The following MECOM variants were observed in gnomAD, a reference collection of about 807,000 sequenced individuals.
The protein encoded by MECOM is MDS1 and EVI1 complex locus, also known as histone-lysine N-methyltransferase MECOM.
MECOM carries 13 observed loss-of-function variants against 116.3 expected under a neutral mutation model. That is an observed-to-expected ratio of 0.11 (90% confidence interval 0.07 to 0.18). The LOEUF is 0.18. Among genes scored for constraint, MECOM ranks in the 10% least tolerant of loss-of-function variants. MECOM has a pLI of 1.00. For synonymous variants in MECOM, 528 were observed against 535.2 expected, an observed-to-expected ratio of 0.99 and a Z score of 0.19; for missense variants, 1,299 against 1,509.0, an observed-to-expected ratio of 0.86 and a Z score of 2.31.
intron 1 of MECOM, among the ~76,000 whole-genome samples, chr3:169,636,104 C>G (rs1035996619): frequency 1.3e-5 from 2 of 152,132 alleles, no homozygotes; most frequent in African/African-American, 2.4e-5. Context: ...ATCATAGATA[C>G]CAATGTGAAA....
At chr3:169,189,469 A>G (rs998147747) in intron 2 of MECOM, among the ~76,000 whole-genome samples, 3 of 152,048 alleles carry the variant, frequency 2.0e-5, no homozygotes, top group East Asian at 1.9e-4. Context: ...TGATGTATCA[A>G]TGAGCCCTGC....
intron 1 of MECOM, among the ~76,000 whole-genome samples, chr3:169,596,029 A>G (rs974043461): frequency 1.3e-5 from 2 of 152,248 alleles, no homozygotes; most frequent in Non-Finnish European, 2.9e-5. Context: ...ATGAATCGAT[A>G]AACTAGCTAA....
chr3:169,582,855 T>A (rs1216219872), intron 1 of MECOM, among the ~76,000 whole-genome samples: 1 of 152,240 alleles, frequency 6.6e-6, no homozygotes, highest in African/African-American at 2.4e-5. Flanking sequence ...ACACTTAGGG[T>A]TTTCTTTATG....
intron 1 of MECOM, among the ~76,000 whole-genome samples, chr3:169,616,779 T>C (rs1335483696): frequency 1.3e-5 from 2 of 152,226 alleles, no homozygotes; most frequent in South Asian, 2.1e-4. Context: ...TTAATCTTTC[T>C]AGATAGACTG....
Position 169,084,787 on chromosome 3 carries a change from A to G in MECOM, c.*122T>C. Reference sequence around the variant, plus strand: ...AAATCATTCAGTTTAAGGTCACTAGACTTTAGATGAGTGACCCTGCAGGTT... The same window carrying G: ...AAATCATTCAGTTTAAGGTCACTAGGCTTTAGATGAGTGACCCTGCAGGTT... On this transcript the variant is annotated 3_prime_UTR_variant, in exon 17 of 17. Coordinates refer to ENST00000651503, the MANE Select transcript of MECOM (RefSeq NM_004991.4). 1 of 1,017,056 alleles carries G rather than the reference A, an allele frequency of 9.8e-7. No individual in the cohort carries two copies. Among genetic ancestry groups the G allele is most frequent in the Non-Finnish European group, 1.5e-6 (1 of 686,036 alleles). 63.0% of individuals were successfully genotyped at this position (1,017,056 alleles called of 1,614,324 possible). A position where few individuals can be genotyped will look rare whatever the true frequency, so the allele number is the denominator to read the frequency against.
chr3:169,139,690 G>A (rs1477147786), intron 3 of MECOM, among the ~76,000 whole-genome samples: 1 of 152,014 alleles, frequency 6.6e-6, no homozygotes, highest in Non-Finnish European at 1.5e-5. Flanking sequence ...TACTCCATAA[G>A]TACCCAAACT....
intron 2 of MECOM, among the ~76,000 whole-genome samples, chr3:169,210,531 A>G (rs1481105624): frequency 6.6e-6 from 1 of 152,178 alleles, no homozygotes; most frequent in Non-Finnish European, 1.5e-5. Context: ...TATCAACATA[A>G]TCAAGATCTT....
intron 1 of MECOM, among the ~76,000 whole-genome samples, chr3:169,575,091 G>A (rs1469865440): frequency 6.6e-6 from 1 of 152,122 alleles, no homozygotes; most frequent in Admixed American, 6.5e-5. Flanking sequence ...CTTGGCCTTT[G>A]TACTAAGGGA....
chr3:169,593,514 T>C (rs1190353095), intron 1 of MECOM, among the ~76,000 whole-genome samples: 1 of 152,186 alleles, frequency 6.6e-6, no homozygotes, highest in Non-Finnish European at 1.5e-5. Flanking sequence ...CATATTAGCA[T>C]GTGAATCTCC....
intron 2 of MECOM, among the ~76,000 whole-genome samples, chr3:169,317,966 G>A (rs952277371): frequency 1.3e-5 from 2 of 151,968 alleles, no homozygotes; most frequent in Admixed American, 1.3e-4. Context: ...CAGAAATAAC[G>A]CCACACAGCT....
At chr3:169,433,533 G>A (rs1448912086) in intron 1 of MECOM, among the ~76,000 whole-genome samples, 1 of 140,336 alleles carries the variant, frequency 7.1e-6, no homozygotes, top group Non-Finnish European at 1.5e-5. Context: ...CAGACAGACA[G>A]AATGAAAGAA....
chr3:169,415,563 C>A (rs938077931), intron 1 of MECOM, among the ~76,000 whole-genome samples: 1 of 151,944 alleles, frequency 6.6e-6, no homozygotes, highest in African/African-American at 2.4e-5. Flanking sequence ...GCTAAATGCC[C>A]CAATTAAAAG....
intron 2 of MECOM, among the ~76,000 whole-genome samples, chr3:169,236,641 G>A (rs1163232670): frequency 1.1e-4 from 16 of 152,050 alleles, no homozygotes; most frequent in Admixed American, 7.9e-4. Context: ...TATACACCTC[G>A]AAGAGCCGTC....
chr3:169,144,748 C>T (rs1739232893), intron 2 of MECOM, among the ~76,000 whole-genome samples: 1 of 152,064 alleles, frequency 6.6e-6, no homozygotes, highest in African/African-American at 2.4e-5. Flanking sequence ...GAGTTGTTGA[C>T]CTGATGGTGA....
chr3:169,264,788 A>C (rs1758053731), intron 2 of MECOM, among the ~76,000 whole-genome samples: 1 of 152,316 alleles, frequency 6.6e-6, no homozygotes, highest in African/African-American at 2.4e-5. Flanking sequence ...TTCTACCTAA[A>C]GAGTAAGCAT....
intron 2 of MECOM, among the ~76,000 whole-genome samples, chr3:169,195,735 T>C (rs574546714): frequency 6.6e-6 from 1 of 152,090 alleles, no homozygotes; most frequent in South Asian, 2.1e-4. Context: ...TGAGGGATGA[T>C]TGAATGAAAA....
chr3:169,140,441 A>G (rs532236515), intron 3 of MECOM, among the ~76,000 whole-genome samples: 23 of 152,194 alleles, frequency 1.5e-4, no homozygotes, highest in African/African-American at 5.5e-4. Context: ...TCTTTCATAG[A>G]GGTAAATTAC....
chr3:169,552,241 T>C (rs1408389522), intron 1 of MECOM, among the ~76,000 whole-genome samples: 1 of 145,232 alleles, frequency 6.9e-6, no homozygotes, highest in Non-Finnish European at 1.5e-5. Context: ...GAAATCGTAG[T>C]CAGGATTTAT....
chr3:169,615,960 C>G (rs543231711), intron 1 of MECOM, among the ~76,000 whole-genome samples: 1 of 152,308 alleles, frequency 6.6e-6, no homozygotes, highest in South Asian at 2.1e-4. Flanking sequence ...TCAAGTTTCA[C>G]AGAGCAATTG....
Sources: gnomAD v4.1 joint callset for allele counts (sites outside exome capture counted in the v4.1 genomes callset) on GRCh38, gnomAD v4.1.1 for gene constraint, MANE v1.5 for transcripts, NCBI Gene and HGNC (gene_info 2026-07-23, HGNC 2026-07-21) for gene names.